Variants in SLC19A1 observed in about 807,000 individuals in gnomAD.
The protein encoded by SLC19A1 is solute carrier family 19 member 1.
In SLC19A1, 37 loss-of-function variants were observed where a neutral mutation model predicts 35.3. The observed-to-expected ratio is 1.05, with a 90% CI of 0.81 to 1.38. The LOEUF is 1.38. SLC19A1 is among the 40% of genes most tolerant of loss of function. The pLI is 0.00. For missense variants in SLC19A1, 831 were observed against 826.9 expected, an observed-to-expected ratio of 1.00 and a Z score of -0.06; for synonymous variants, 460 against 398.5, an observed-to-expected ratio of 1.15 and a Z score of -1.84.
intron 1 of SLC19A1, among the ~76,000 whole-genome samples, chr21:45,555,157 C>CGCAGGG (rs1569031716): frequency 0.011 from 808 of 72,570 alleles, 195 homozygotes; most frequent in Middle Eastern, 0.018. Context: ...GTGCAGGGGG[C>CGCAGGG]GGCGGGGGCG....
At chr21:45,538,156 C>A in intron 1 of SLC19A1, 148 bp from the exon 2 acceptor site, 1 of 475,786 alleles carries the variant, frequency 2.1e-6, no homozygotes, top group East Asian at 3.4e-5. Context: ...CATCCTCACC[C>A]CGTAGCACCA....
chr21:45,521,889 C>T (rs904003707), intron 5 of SLC19A1, among the ~76,000 whole-genome samples: 2 of 152,002 alleles, frequency 1.3e-5, no homozygotes, highest in Non-Finnish European at 2.9e-5. Flanking sequence ...AATGTAAAAA[C>T]ACGAAACTTT....
At chr21:45,556,098 C>T (rs1231387854) in intron 1 of SLC19A1, among the ~76,000 whole-genome samples, 1 of 152,182 alleles carries the variant, frequency 6.6e-6, no homozygotes, top group Non-Finnish European at 1.5e-5. Flanking sequence ...AAAGAGGGGC[C>T]TGAGCATCGG....
chr21:45,559,078 A>G (rs1039855527), intron 1 of SLC19A1, among the ~76,000 whole-genome samples: 2 of 152,144 alleles, frequency 1.3e-5, no homozygotes, highest in African/African-American at 4.8e-5. Context: ...AAGTGCTGGG[A>G]TTACAGGCAT....
chr21:45,530,776 A>T lies in SLC19A1; in HGVS notation c.1145T>A (p.Ile382Asn), dbSNP rs747497395. 6.3e-5 allele frequency: 99 copies of T among 1,559,372 alleles called. No individual in the cohort carries two copies. The highest frequency in any genetic ancestry group is 8.2e-5 in the Non-Finnish European group (95 of 1,151,882). ...CCACCCTTCTGGAACTCACGTGGCG[A>T]TGGGCACGAGGAACTGGTAGGAGCC... ...FRGSYQFLVPIATFQIASSLS... is the reference protein window; with the variant it reads ...FRGSYQFLVPNATFQIASSLS... Residue 382 changes from isoleucine (I) to asparagine (N), a missense_variant, in exon 4 of 6, where the codon ATC becomes AAC. Transcript: ENST00000311124. The surrounding 1 kb of genome is among the most constrained non-coding windows in gnomAD (Gnocchi z 5.3).
At chr21:45,524,861 G>T (rs1030863505) in intron 5 of SLC19A1, among the ~76,000 whole-genome samples, 1 of 151,590 alleles carries the variant, frequency 6.6e-6, no homozygotes, top group Non-Finnish European at 1.5e-5. Flanking sequence ...CACCCTAAGC[G>T]TTCACCCCTG....
chr21:45,530,872 A>T lies in SLC19A1; in HGVS notation c.1049T>A (p.Val350Asp), dbSNP rs1205948307. Residue 350 changes from valine to aspartate, a missense_variant, in exon 4 of 6, where the codon GTC becomes GAC. Physicochemically the swap from Val to Asp is radical, Grantham distance 152. Transcript: ENST00000311124. The surrounding 1 kb of genome is among the most constrained non-coding windows in gnomAD (Gnocchi z 5.3). ...AGVTATQAGL[V>D]FLLAHTRHPS... ...GTGGCGCGTGTGCGCCAGAAGGAAG[A>T]CCAGCCCCGCCTGCGTGGCCGTGAC... The T allele has an allele frequency of 1.3e-6, 2 of 1,484,770 alleles. No individual in the cohort carries two copies. The highest frequency in any genetic ancestry group is 1.8e-6 in the Non-Finnish European group (2 of 1,117,954). The allele number at this position is 1,484,770 out of a possible 1,614,324, so 92.0% of individuals were successfully genotyped here. A position where few individuals can be genotyped will look rare whatever the true frequency, so the allele number is the denominator to read the frequency against.
intron 5 of SLC19A1, among the ~76,000 whole-genome samples, chr21:45,518,957 T>C (rs1431882350): frequency 6.6e-6 from 1 of 152,184 alleles, no homozygotes; most frequent in African/African-American, 2.4e-5. Flanking sequence ...GTAGGCAACA[T>C]TATGGGTAAA....
chr21:45,511,328 C>A (rs1484606711), downstream of SLC19A1: 1 of 709,614 alleles, frequency 1.4e-6, no homozygotes, highest in Admixed American at 2.0e-5. Flanking sequence ...TTGGACAAAT[C>A]TTATACATGC....
chr21:45,552,434 G>A (rs1020852980), intron 1 of SLC19A1, among the ~76,000 whole-genome samples: 17 of 149,958 alleles, frequency 1.1e-4, no homozygotes, highest in Non-Finnish European at 2.1e-4. Flanking sequence ...TGTTGGGTCG[G>A]GGGCCCCAGG....
chr21:45,543,084 G>T (rs999335426), upstream of SLC19A1, among the ~76,000 whole-genome samples: 1 of 152,164 alleles, frequency 6.6e-6, no homozygotes. Flanking sequence ...GCCGGATCCA[G>T]GACGTGGCCC....
At chr21:45,541,426 A>T (rs1477889529) in intron 1 of SLC19A1, among the ~76,000 whole-genome samples, 1 of 152,264 alleles carries the variant, frequency 6.6e-6, no homozygotes, top group East Asian at 1.9e-4. Flanking sequence ...CAGGGCGGCC[A>T]ACAGGCGCCT....
At chr21:45,539,868 G>A (rs1174154505) in intron 1 of SLC19A1, among the ~76,000 whole-genome samples, 2 of 152,184 alleles carry the variant, frequency 1.3e-5, no homozygotes, top group Admixed American at 6.5e-5. Flanking sequence ...GGGGAACCTC[G>A]AGGTTTCCGG....
intron 4 of SLC19A1, among the ~76,000 whole-genome samples, chr21:45,529,477 AAG>A (rs1479006445): frequency 6.6e-6 from 1 of 152,164 alleles, no homozygotes; most frequent in Admixed American, 6.5e-5. Context: ...GCGGGCAGGA[AAG>A]AGGGGGCAGG....
rs1307565594 is a variant in SLC19A1 at position 45,534,471 on chromosome 21, G to A, written c.190-2323C>T. 1 of 1,239,668 alleles carries A rather than the reference G, an allele frequency of 8.1e-7. No homozygotes were observed. Among genetic ancestry groups the A allele is most frequent in the Non-Finnish European group, 1.1e-6 (1 of 879,926 alleles). The allele number at this position is 1,239,668 out of a possible 1,614,324, so 76.8% of individuals were successfully genotyped here. On this transcript the variant is annotated intron_variant, in intron 2 of 5. Transcript: ENST00000311124. The surrounding 1 kb of genome is among the most constrained non-coding windows in gnomAD (Gnocchi z 4.2). The stretch of plus-strand genomic sequence containing the variant: ...GTCAAAATGGTAGACAGCCAGCAGA[G>A]AGGCTCTCCCCAGACCCCACGGCTC...
intron 4 of SLC19A1, among the ~76,000 whole-genome samples, chr21:45,529,874 C>G (rs532970836): frequency 1.4e-5 from 2 of 144,346 alleles, no homozygotes; most frequent in Non-Finnish European, 3.0e-5. Context: ...ATGGTGCATT[C>G]ATGTGAGTGT....
At chr21:45,509,450 C>T, downstream of SLC19A1, 2 of 1,535,018 alleles carry the variant, frequency 1.3e-6, no homozygotes, top group East Asian at 4.9e-5. Context: ...ACCGCGCGGC[C>T]CTGGCGGGCA....
intron 1 of SLC19A1, among the ~76,000 whole-genome samples, chr21:45,556,640 A>C (rs1050651212): frequency 6.6e-6 from 1 of 152,278 alleles, no homozygotes. Flanking sequence ...GTCTGCAGCC[A>C]TAGCACCAGG....
chr21:45,512,278 G>A (rs375390952), downstream of SLC19A1: 51 of 1,611,666 alleles, frequency 3.2e-5, no homozygotes, highest in Admixed American at 1.0e-4. Context: ...AGGCTCCCTC[G>A]GCCACGGGCC....
Sources: allele counts gnomAD v4.1 joint callset (sites outside exome capture counted in the v4.1 genomes callset), GRCh38; gene constraint gnomAD v4.1.1; non-coding constraint Gnocchi (gnomAD v3.1); transcripts MANE v1.5; gene names NCBI Gene and HGNC (gene_info 2026-07-23, HGNC 2026-07-21).